Variants in PRR16 observed in about 807,000 individuals in gnomAD.
PRR16 encodes proline rich 16.
PRR16 carries 6 observed loss-of-function variants against 18.2 expected under a neutral mutation model. That is an observed-to-expected ratio of 0.33 (90% confidence interval 0.18 to 0.65). The LOEUF is 0.65. PRR16 is among the 30% of genes least tolerant of loss of function. The pLI is 0.74. For missense variants in PRR16, 412 were observed against 376.6 expected (o/e 1.09, Z -0.78); for synonymous variants, 151 against 147.8 (o/e 1.02, Z -0.16).
At chr5:120,771,027 C>T in the PRR16 span, among the ~76,000 whole-genome samples, 1 of 136,306 alleles carries the variant, frequency 7.3e-6, no homozygotes, top group Non-Finnish European at 1.7e-5. Context: ...TTTGAGAATT[C>T]TTTAATTTTT....
chr5:120,607,138 C>G (rs1345418543), intron 1 of PRR16, among the ~76,000 whole-genome samples: 1 of 151,972 alleles, frequency 6.6e-6, no homozygotes, highest in Non-Finnish European at 1.5e-5. Flanking sequence ...TAGTGGTTCC[C>G]AATTCAATTG....
chr5:120,698,602 G>GA, the PRR16 span, among the ~76,000 whole-genome samples: 1 of 151,400 alleles, frequency 6.6e-6, no homozygotes, highest in Non-Finnish European at 1.5e-5. Flanking sequence ...AAGTTTTTTG[G>GA]GGCACAGTCT....
intron 1 of PRR16, among the ~76,000 whole-genome samples, chr5:120,550,416 A>T (rs913050432): frequency 9.9e-5 from 15 of 152,136 alleles, no homozygotes; most frequent in African/African-American, 3.4e-4. Flanking sequence ...GGCATTCCTG[A>T]GTTCAGTGGT....
intron 1 of PRR16, among the ~76,000 whole-genome samples, chr5:120,495,966 T>A (rs1750231927): frequency 6.6e-6 from 1 of 152,002 alleles, no homozygotes; most frequent in Non-Finnish European, 1.5e-5. Flanking sequence ...GTAGATGCTC[T>A]GTGTCAACTT....
the PRR16 span, among the ~76,000 whole-genome samples, chr5:120,755,818 G>T: frequency 6.6e-6 from 1 of 151,896 alleles, no homozygotes; most frequent in African/African-American, 2.4e-5. Context: ...ACAAAGAATC[G>T]GAGAAAATGC....
the PRR16 span, among the ~76,000 whole-genome samples, chr5:120,731,280 G>A: frequency 5.3e-5 from 8 of 152,120 alleles, no homozygotes; most frequent in African/African-American, 1.9e-4. Flanking sequence ...GAACAAGAAT[G>A]GGAATTAGAA....
chr5:120,569,214 G>A (rs73786521), intron 1 of PRR16, among the ~76,000 whole-genome samples: 32,130 of 152,048 alleles, frequency 0.21, 3,572 homozygotes, highest in Non-Finnish European at 0.21. Flanking sequence ...TGTATCGTCT[G>A]TAAGTATTAA....
At chr5:120,489,496 A>G (rs573706546) in intron 1 of PRR16, among the ~76,000 whole-genome samples, 143 of 151,592 alleles carry the variant, frequency 9.4e-4, no homozygotes, top group African/African-American at 3.3e-3. Context: ...TTTGTTTTCC[A>G]TTTGCTTGGT....
chr5:120,586,594 G>C (rs1187381137), intron 1 of PRR16, among the ~76,000 whole-genome samples: 2 of 152,042 alleles, frequency 1.3e-5, no homozygotes, highest in East Asian at 3.9e-4. Context: ...TCTGTGATCA[G>C]TGGTCTTCAA....
At chr5:120,536,500 A>T (rs1195467456) in intron 1 of PRR16, among the ~76,000 whole-genome samples, 1 of 152,202 alleles carries the variant, frequency 6.6e-6, no homozygotes, top group Non-Finnish European at 1.5e-5. Flanking sequence ...ATGTCCAAAA[A>T]TGTCTCTTTT....
the PRR16 span, among the ~76,000 whole-genome samples, chr5:120,711,281 C>A: frequency 6.6e-6 from 1 of 152,270 alleles, no homozygotes; most frequent in African/African-American, 2.4e-5. Context: ...GTGCCTAACA[C>A]AACTACAATT....
At chr5:120,700,441 G>T in the PRR16 span, among the ~76,000 whole-genome samples, 23 of 150,254 alleles carry the variant, frequency 1.5e-4, no homozygotes, top group East Asian at 3.9e-4. Flanking sequence ...GGGTTAAGGT[G>T]GGGGGATACA....
the PRR16 span, among the ~76,000 whole-genome samples, chr5:120,719,961 T>C: frequency 6.6e-6 from 1 of 152,056 alleles, no homozygotes. Context: ...GAAGAAGTCA[T>C]GGCACATACT....
intron 1 of PRR16, chr5:120,618,514 G>C (rs778833255): frequency 2.1e-6 from 2 of 961,592 alleles, no homozygotes; most frequent in Non-Finnish European, 2.5e-6. Flanking sequence ...AAGAGGGAAT[G>C]GTATTTGGAA....
chr5:120,515,826 T>G (rs1580672959), intron 1 of PRR16, among the ~76,000 whole-genome samples: 1 of 152,342 alleles, frequency 6.6e-6, no homozygotes, highest in East Asian at 1.9e-4. Flanking sequence ...TAATTGCCTT[T>G]ATAGCATTTA....
the PRR16 span, among the ~76,000 whole-genome samples, chr5:120,778,121 T>A: frequency 1.3e-5 from 2 of 152,062 alleles, no homozygotes; most frequent in Non-Finnish European, 2.9e-5. Context: ...AATTACAAGT[T>A]TAATGGCAAT....
chr5:120,729,673 C>T, the PRR16 span, among the ~76,000 whole-genome samples: 10 of 152,072 alleles, frequency 6.6e-5, no homozygotes, highest in Non-Finnish European at 1.3e-4. Flanking sequence ...AATATCCTCC[C>T]ATATAAGTCT....
chr5:120,578,570 C>T (rs1561555181), intron 1 of PRR16, among the ~76,000 whole-genome samples: 1 of 152,184 alleles, frequency 6.6e-6, no homozygotes, highest in Non-Finnish European at 1.5e-5. Context: ...CTGCAAAGGA[C>T]ATAATCTCAT....
chr5:120,736,939 A>G, the PRR16 span, among the ~76,000 whole-genome samples: 27 of 122,614 alleles, frequency 2.2e-4, no homozygotes, highest in African/African-American at 9.6e-4. Context: ...GAATTTGTAT[A>G]CTATAACTTT....
Sources: gnomAD v4.1 joint callset for allele counts (sites outside exome capture counted in the v4.1 genomes callset) on GRCh38, gnomAD v4.1.1 for gene constraint, MANE v1.5 for transcripts, NCBI Gene and HGNC (gene_info 2026-07-23, HGNC 2026-07-21) for gene names.